Variants in ADCY2 observed in about 807,000 individuals in gnomAD.
The protein encoded by ADCY2 is adenylate cyclase type 2.
In ADCY2, 31 loss-of-function variants were observed where a neutral mutation model predicts 125.2. That is an observed-to-expected ratio of 0.25 (90% confidence interval 0.19 to 0.33). The LOEUF (loss-of-function observed/expected upper bound fraction) is 0.33. ADCY2 is among the 10% of genes least tolerant of loss of function. The pLI is 1.00. For synonymous variants in ADCY2, 512 were observed against 548.4 expected (o/e 0.93, Z 0.93); for missense variants, 904 against 1,418.2 (o/e 0.64, Z 5.82).
chr5:7,745,308 C>G (rs546466023), intron 15 of ADCY2, among the ~76,000 whole-genome samples: 138 of 152,310 alleles, frequency 9.1e-4, no homozygotes, highest in African/African-American at 3.2e-3. Flanking sequence ...AGCACTTTGT[C>G]CTCTGTGCCT....
chr5:7,499,660 T>TATATATATATATATAC (rs1743482543), intron 2 of ADCY2, among the ~76,000 whole-genome samples: 1 of 111,182 alleles, frequency 9.0e-6, no homozygotes, highest in Non-Finnish European at 2.1e-5. Flanking sequence ...TATATATATA[T>TATATATATATATATAC]ATATATATAT....
chr5:7,589,470 G>GAA (rs1554022186), intron 3 of ADCY2, among the ~76,000 whole-genome samples: 1 of 44,306 alleles, frequency 2.3e-5, no homozygotes, highest in Non-Finnish European at 5.3e-5. Flanking sequence ...AAGAAAGAAA[G>GAA]AAAGAAAGAA....
intron 2 of ADCY2, among the ~76,000 whole-genome samples, chr5:7,459,075 C>T (rs1741815041): frequency 6.6e-6 from 1 of 152,208 alleles, no homozygotes; most frequent in South Asian, 2.1e-4. Context: ...TCAGCTGCCC[C>T]TCACTCTAGG....
At chr5:7,520,985 G>A (rs1157036827) in intron 3 of ADCY2, 86 bp downstream of exon 3, 2 of 1,511,352 alleles carry the variant, frequency 1.3e-6, no homozygotes, top group South Asian at 2.4e-5. Context: ...TTCAGGGTGT[G>A]TGTAGTGTGG....
At chr5:7,594,121 T>A (rs1267657313) in intron 3 of ADCY2, among the ~76,000 whole-genome samples, 1 of 152,178 alleles carries the variant, frequency 6.6e-6, no homozygotes, top group African/African-American at 2.4e-5. Flanking sequence ...AATGACATGG[T>A]CTGACTTTCA....
At chr5:7,497,577 A>G (rs1743385530) in intron 2 of ADCY2, among the ~76,000 whole-genome samples, 1 of 152,180 alleles carries the variant, frequency 6.6e-6, no homozygotes, top group South Asian at 2.1e-4. Flanking sequence ...AGCAAATGAA[A>G]GCATCCAAAA....
At chr5:7,626,516 G>T (rs1159000623) in intron 4 of ADCY2, among the ~76,000 whole-genome samples, 200 bp downstream of exon 4, 1 of 152,164 alleles carries the variant, frequency 6.6e-6, no homozygotes, top group Non-Finnish European at 1.5e-5. Flanking sequence ...AATTTACCAA[G>T]AAAAGAGGTT....
chr5:7,497,913 G>T (rs986098187), intron 2 of ADCY2, among the ~76,000 whole-genome samples: 2 of 152,040 alleles, frequency 1.3e-5, no homozygotes, highest in African/African-American at 4.8e-5. Context: ...TAGACAAAAG[G>T]ACTTAGGGTG....
chr5:7,591,169 A>AT (rs1326741557), intron 3 of ADCY2, among the ~76,000 whole-genome samples: 2 of 152,166 alleles, frequency 1.3e-5, no homozygotes, highest in South Asian at 2.1e-4. Flanking sequence ...TGCAGTTTAC[A>AT]TTTTTTAAGG....
Position 7,802,301 on chromosome 5 carries a change from C to T in ADCY2, c.2712C>T (p.Asp904=), listed in dbSNP as rs35218680. 3.0e-3 allele frequency: 4,830 copies of T among 1,614,148 alleles called. 118 individuals are homozygous for T. The African/African-American group carries it at 0.056, about 19-fold the overall frequency. Residue 904 remains aspartate (D), a synonymous_variant, in exon 21 of 25, where the codon GAC becomes GAT. Coordinates refer to ENST00000338316, the MANE Select transcript of ADCY2 (RefSeq NM_020546.3). The surrounding 1 kb of genome is among the most constrained non-coding windows in gnomAD (Gnocchi z 4.6). Reference sequence around the variant, plus strand: ...TCAAAGAATTTTATACAGAATCCGACGTGAACAAGGAGGGCTTGGAATGCC... The same window carrying T: ...TCAAAGAATTTTATACAGAATCCGATGTGAACAAGGAGGGCTTGGAATGCC... ...PDFKEFYTES[D]VNKEGLECLR... is the part of the protein sequence containing the mutation.
chr5:7,499,829 A>C (rs1425413461), intron 2 of ADCY2, among the ~76,000 whole-genome samples: 1 of 151,660 alleles, frequency 6.6e-6, no homozygotes, highest in East Asian at 1.9e-4. Flanking sequence ...CAGTAAATGC[A>C]GTATTATATA....
chr5:7,596,261 C>T (rs1035329760), intron 3 of ADCY2, among the ~76,000 whole-genome samples: 1 of 109,512 alleles, frequency 9.1e-6, no homozygotes, highest in Admixed American at 8.0e-5. Context: ...TACCCAAATG[C>T]CCGATCCAAA....
chr5:7,536,450 C>G (rs985258388), intron 3 of ADCY2, among the ~76,000 whole-genome samples: 16 of 152,312 alleles, frequency 1.1e-4, no homozygotes, highest in Admixed American at 6.5e-4. Flanking sequence ...TCATCCCCCC[C>G]ACATGCCCCA....
At chr5:7,471,865 G>A (rs1342197653) in intron 2 of ADCY2, among the ~76,000 whole-genome samples, 1 of 151,980 alleles carries the variant, frequency 6.6e-6, no homozygotes, top group Non-Finnish European at 1.5e-5. Flanking sequence ...CATTGTTTAT[G>A]TTCTTGCATA....
chr5:7,490,213 TA>T (rs1336192093), intron 2 of ADCY2, among the ~76,000 whole-genome samples: 1 of 152,240 alleles, frequency 6.6e-6, no homozygotes, highest in East Asian at 1.9e-4. Flanking sequence ...AGGTGTTGTT[TA>T]ATAAGAATAG....
At chr5:7,739,201 A>G (rs1011173505) in intron 14 of ADCY2, among the ~76,000 whole-genome samples, 1 of 151,934 alleles carries the variant, frequency 6.6e-6, no homozygotes. Flanking sequence ...AGAAACAAAT[A>G]TGAGGACAAA....
intron 2 of ADCY2, among the ~76,000 whole-genome samples, chr5:7,520,470 C>T (rs1028558409): frequency 2.0e-5 from 3 of 152,162 alleles, no homozygotes; most frequent in Admixed American, 1.3e-4. Flanking sequence ...AGTTTAGGAC[C>T]AGCTTTGCAT....
intron 19 of ADCY2, among the ~76,000 whole-genome samples, chr5:7,786,872 G>T (rs760125187): frequency 2.0e-5 from 3 of 152,158 alleles, no homozygotes. Flanking sequence ...TTCTGTCTAC[G>T]TAGAAAGATG....
chr5:7,505,210 C>A (rs1242084535), intron 2 of ADCY2, among the ~76,000 whole-genome samples: 4 of 152,228 alleles, frequency 2.6e-5, no homozygotes, highest in South Asian at 4.1e-4. Flanking sequence ...TAATGCAAAG[C>A]CTGTTAAGTG....
Sources: gnomAD v4.1 joint callset for allele counts (sites outside exome capture counted in the v4.1 genomes callset) on GRCh38, gnomAD v4.1.1 for gene constraint, Gnocchi (gnomAD v3.1) non-coding constraint, MANE v1.5 for transcripts, NCBI Gene and HGNC (gene_info 2026-07-23, HGNC 2026-07-21) for gene names.